Variants in PLCE1 observed in about 807,000 individuals in gnomAD.
PLCE1 encodes phospholipase C epsilon 1, also known as 1-phosphatidylinositol 4,5-bisphosphate phosphodiesterase epsilon-1.
Under a neutral mutation model 242.8 loss-of-function variants are expected in PLCE1, and 119 were observed. The ratio of observed to expected loss-of-function variants is 0.49; its 90% confidence interval spans 0.42 to 0.57. The LOEUF (loss-of-function observed/expected upper bound fraction) is 0.57, where lower values mean the gene tolerates loss of function less well. Among genes scored for constraint, PLCE1 ranks in the 20% least tolerant of loss-of-function variants. The pLI is 0.00. For synonymous variants in PLCE1, 945 were observed against 1,017.4 expected (o/e 0.93, Z 1.35); for missense variants, 2,441 against 2,788.8 (o/e 0.88, Z 2.81).
At chr10:94,199,808 C>A (rs937411894) in intron 4 of PLCE1, among the ~76,000 whole-genome samples, 1 of 152,020 alleles carries the variant, frequency 6.6e-6, no homozygotes, top group Admixed American at 6.6e-5. Context: ...GACAATGTGA[C>A]GTGCTGTGGA....
intron 2 of PLCE1, chr10:94,089,191 C>T (rs767633473): frequency 1.2e-6 from 2 of 1,613,988 alleles, no homozygotes; most frequent in African/African-American, 1.3e-5. Context: ...TAAGATTTGG[C>T]ACCAGGCTTG....
At chr10:94,167,552 G>A (rs910011166) in intron 3 of PLCE1, among the ~76,000 whole-genome samples, 2 of 151,516 alleles carry the variant, frequency 1.3e-5, no homozygotes, top group Admixed American at 1.3e-4. Flanking sequence ...AGTTTTAGGG[G>A]TACATGTGCA....
rs1412588189 is a variant in PLCE1 at position 94,329,015 on chromosome 10, A to C, written c.*1072A>C. On this transcript the variant is annotated 3_prime_UTR_variant, in exon 33 of 33. Coordinates refer to ENST00000371380, the MANE Select transcript of PLCE1 (RefSeq NM_016341.4). ...AGGTTTGTACTGACACTATACTTAT[A>C]TATTTATTATACATCGCTCTCTTGA... 3 of 152,210 alleles carry C rather than the reference A, an allele frequency of 2.0e-5. No individual in the cohort carries two copies. Among genetic ancestry groups the C allele is most frequent in the Non-Finnish European group, 4.4e-5 (3 of 68,040 alleles). 9.4% of individuals were successfully genotyped at this position (152,210 alleles called of 1,614,324 possible). A position where few individuals can be genotyped will look rare whatever the true frequency, so the allele number is the denominator to read the frequency against.
chr10:94,069,513 T>C (rs1194028914), intron 2 of PLCE1, among the ~76,000 whole-genome samples: 1 of 152,156 alleles, frequency 6.6e-6, no homozygotes, highest in Admixed American at 6.5e-5. Flanking sequence ...CTCCGGAGCC[T>C]GAGGCAGGAG....
At chr10:94,076,772 TC>T (rs903178416) in intron 2 of PLCE1, among the ~76,000 whole-genome samples, 1 of 149,520 alleles carries the variant, frequency 6.7e-6, no homozygotes, top group African/African-American at 2.6e-5. Flanking sequence ...GCCGTGGGTG[TC>T]CCATGAGCTC....
chr10:94,234,993 C>T (rs2050266002), intron 6 of PLCE1, among the ~76,000 whole-genome samples: 1 of 151,796 alleles, frequency 6.6e-6, no homozygotes, highest in Non-Finnish European at 1.5e-5. Flanking sequence ...TTTGAGAAGT[C>T]CCTTACCGGG....
At chr10:94,110,840 T>C (rs2045932976) in intron 2 of PLCE1, among the ~76,000 whole-genome samples, 1 of 152,246 alleles carries the variant, frequency 6.6e-6, no homozygotes, top group African/African-American at 2.4e-5. Context: ...GAAAGTGCTT[T>C]TGATTTCTCT....
intron 3 of PLCE1, chr10:94,138,467 T>G: frequency 2.3e-6 from 1 of 442,282 alleles, no homozygotes; most frequent in South Asian, 1.8e-5. Context: ...TAATGAATCC[T>G]GTGAGGCCAT....
At chr10:94,107,039 A>G (rs575367596) in intron 2 of PLCE1, 2 of 146,124 alleles carry the variant, frequency 1.4e-5, no homozygotes, top group South Asian at 4.5e-4. Flanking sequence ...TTGATACAAT[A>G]TTCACATCAA....
intron 1 of PLCE1, among the ~76,000 whole-genome samples, chr10:94,007,119 G>A (rs2061054355): frequency 6.6e-6 from 1 of 151,908 alleles, no homozygotes; most frequent in Non-Finnish European, 1.5e-5. Flanking sequence ...GGAAAAAAGA[G>A]GTACCGGTTC....
At chr10:94,192,056 T>C (rs2048684649) in intron 4 of PLCE1, among the ~76,000 whole-genome samples, 1 of 152,318 alleles carries the variant, frequency 6.6e-6, no homozygotes, top group South Asian at 2.1e-4. Context: ...TATATATATA[T>C]GGAGTGCAAA....
At chr10:94,297,582 TA>T (rs2052876048) in intron 23 of PLCE1, among the ~76,000 whole-genome samples, 1 of 94,562 alleles carries the variant, frequency 1.1e-5, no homozygotes, top group East Asian at 3.5e-4. Flanking sequence ...CCCCAAACTT[TA>T]AATTTGTAAA....
chr10:94,021,122 C>A (rs1954346), intron 1 of PLCE1, among the ~76,000 whole-genome samples: 1 of 151,802 alleles, frequency 6.6e-6, no homozygotes, highest in Non-Finnish European at 1.5e-5. Flanking sequence ...TGAGCCACTG[C>A]GCCTGGCCAA....
In PLCE1 at chr10:94,007,198, C is replaced by T. The variant is rs114746470; in HGVS notation, c.-365+12940C>T. On this transcript the variant is annotated intron_variant, in intron 1 of 32. Coordinates refer to ENST00000371380, the MANE Select transcript of PLCE1 (RefSeq NM_016341.4). ...GGAGAGAGGACAGGAGTCTGGTTTT[C>T]TACATCGTGTGTTGGCTCTACTGAA... Among the ~76,000 whole-genome samples the T allele has an allele frequency of 3.7e-3, 558 of 152,128 alleles. 1 individual carries two copies. Among genetic ancestry groups the T allele is most frequent in the African/African-American group, 0.013 (535 of 41,496 alleles).
intron 2 of PLCE1, among the ~76,000 whole-genome samples, chr10:94,127,523 A>T (rs138884468): frequency 6.6e-6 from 1 of 152,186 alleles, no homozygotes; most frequent in African/African-American, 2.4e-5. Flanking sequence ...GGTATTTTTC[A>T]AGACTGCTTG....
At chr10:94,044,084 A>G (rs1185020023) in intron 2 of PLCE1, among the ~76,000 whole-genome samples, 2 of 152,228 alleles carry the variant, frequency 1.3e-5, no homozygotes, top group Admixed American at 6.5e-5. Flanking sequence ...GCAAAGAATC[A>G]CCATCTACAT....
intron 3 of PLCE1, among the ~76,000 whole-genome samples, chr10:94,164,120 A>G (rs1019388008): frequency 6.6e-6 from 1 of 151,958 alleles, no homozygotes; most frequent in Non-Finnish European, 1.5e-5. Flanking sequence ...GAATCTGACC[A>G]TTATGTGTCT....
chr10:94,142,775 G>T (rs2047009026), intron 3 of PLCE1, among the ~76,000 whole-genome samples: 1 of 152,182 alleles, frequency 6.6e-6, no homozygotes, highest in African/African-American at 2.4e-5. Context: ...CTAGCTGTGG[G>T]CCTAGAGCAC....
At chr10:94,058,074 C>G (rs1012638634) in intron 2 of PLCE1, among the ~76,000 whole-genome samples, 6 of 152,172 alleles carry the variant, frequency 3.9e-5, no homozygotes, top group Admixed American at 3.3e-4. Context: ...ATGTGGCCAT[C>G]TTTTTACAAT....
Sources: allele counts gnomAD v4.1 joint callset (sites outside exome capture counted in the v4.1 genomes callset), GRCh38; gene constraint gnomAD v4.1.1; transcripts MANE v1.5; gene names NCBI Gene and HGNC (gene_info 2026-07-23, HGNC 2026-07-21).